Variants in SLC5A4 observed in about 807,000 individuals in gnomAD.
SLC5A4 encodes the protein solute carrier family 5 member 4, also known as probable glucose sensor protein SLC5A4.
In SLC5A4, 55 loss-of-function variants were observed where a neutral mutation model predicts 70.3. The ratio of observed to expected loss-of-function variants is 0.78; its 90% CI spans 0.63 to 0.98. SLC5A4 has a LOEUF of 0.98. Ranked by LOEUF, SLC5A4 falls within the 50% of genes least tolerant of loss-of-function variation. The pLI, the probability that SLC5A4 is intolerant of heterozygous loss-of-function variation, is 0.00. For synonymous variants in SLC5A4, 268 were observed against 305.7 expected, an observed-to-expected ratio of 0.88 and a Z score of 1.29; for missense variants, 735 against 839.2, an observed-to-expected ratio of 0.88 and a Z score of 1.53.
intron 12 of SLC5A4, among the ~76,000 whole-genome samples, chr22:32,225,157 T>C (rs1227322374): frequency 6.6e-6 from 1 of 152,190 alleles, no homozygotes; most frequent in Non-Finnish European, 1.5e-5. Flanking sequence ...AGATTAAGGG[T>C]ACATGATCCA....
chr22:32,261,247 C>A, the SLC5A4 span, among the ~76,000 whole-genome samples: 1 of 152,206 alleles, frequency 6.6e-6, no homozygotes, highest in Admixed American at 6.5e-5. Flanking sequence ...GAGCTGGCTG[C>A]AGTTCAGGTC....
chr22:32,308,176 A>AT, the SLC5A4 span, among the ~76,000 whole-genome samples: 7 of 152,100 alleles, frequency 4.6e-5, no homozygotes, highest in Non-Finnish European at 8.8e-5. Context: ...CGTTATGTTA[A>AT]TTTCAAACAT....
In SLC5A4 at chr22:32,221,041, A is replaced by C. The variant is rs756173984; in HGVS notation, c.1666-19T>G. On this transcript the variant is annotated intron_variant, in intron 13 of 14. Transcript: ENST00000266086. ...GGTACAGCTGAACAGGGACCATACA[A>C]AAGTGCATTAGTAATAGGCAAATGT... 6.6e-7 allele frequency: 1 copy of C among 1,505,396 alleles called. No homozygotes were observed. The highest frequency in any genetic ancestry group is 1.4e-5 in the African/African-American group (1 of 72,452). 93.3% of individuals were successfully genotyped at this position (1,505,396 alleles called of 1,614,324 possible). A position where few individuals can be genotyped will look rare whatever the true frequency, so the allele number is the denominator to read the frequency against.
chr22:32,336,956 T>C, the SLC5A4 span, among the ~76,000 whole-genome samples: 12 of 152,310 alleles, frequency 7.9e-5, no homozygotes, highest in South Asian at 2.1e-4. Flanking sequence ...CTGGGCTGCA[T>C]CCATACAATG....
chr22:32,268,253 C>G, the SLC5A4 span: 1 of 152,038 alleles, frequency 6.6e-6, no homozygotes, highest in Admixed American at 6.6e-5. Flanking sequence ...TCCTTCAACT[C>G]ATGACACTCT....
chr22:32,277,355 T>C, the SLC5A4 span, among the ~76,000 whole-genome samples: 5 of 152,330 alleles, frequency 3.3e-5, no homozygotes, highest in South Asian at 8.3e-4. Context: ...TAGGTTAGAA[T>C]AGAAATTATT....
At chr22:32,350,627 TA>T in the SLC5A4 span, among the ~76,000 whole-genome samples, 1 of 152,172 alleles carries the variant, frequency 6.6e-6, no homozygotes, top group South Asian at 2.1e-4. Context: ...CTATATGCTT[TA>T]AAACACTAAG....
At chr22:32,282,396 A>G in the SLC5A4 span, among the ~76,000 whole-genome samples, 1 of 151,416 alleles carries the variant, frequency 6.6e-6, no homozygotes, top group African/African-American at 2.4e-5. Flanking sequence ...CCTGGCTGCC[A>G]GGACTCTGCT....
chr22:32,236,660 A>T (rs568232146), intron 7 of SLC5A4, among the ~76,000 whole-genome samples: 1 of 152,098 alleles, frequency 6.6e-6, no homozygotes, highest in African/African-American at 2.4e-5. Flanking sequence ...TCTGTCCTTA[A>T]CACAAAGAAA....
At chr22:32,346,392 G>A in the SLC5A4 span, among the ~76,000 whole-genome samples, 21 of 151,948 alleles carry the variant, frequency 1.4e-4, no homozygotes, top group African/African-American at 3.9e-4. Context: ...AGCCCACATC[G>A]CCAAGTCAAT....
the SLC5A4 span, among the ~76,000 whole-genome samples, chr22:32,323,308 C>T: frequency 6.6e-6 from 1 of 152,292 alleles, no homozygotes; most frequent in Admixed American, 6.5e-5. Context: ...CACTTTCCTC[C>T]CCAAAAGCTG....
In SLC5A4 at chr22:32,247,535, CAGGGACTTAACTTACCCTT is replaced by C. The variant is rs1926900322; in HGVS notation, c.373-39_373-21del. 1.3e-6 allele frequency: 2 copies of C among 1,543,286 alleles called. No individual in the cohort carries two copies. Among genetic ancestry groups the C allele is most frequent in the African/African-American group, 1.4e-5 (1 of 73,766 alleles). On this transcript the variant is annotated intron_variant, in intron 4 of 14. Coordinates refer to ENST00000266086, the MANE Select transcript of SLC5A4 (RefSeq NM_014227.3). ...CATCACCTGCAGAGACAGACATTGA[CAGGGACTTAACTTACCCTT>C]AGGGCCCTGTGCGTTCAGATTATTC...
chr22:32,333,623 G>A, the SLC5A4 span, among the ~76,000 whole-genome samples: 5 of 152,016 alleles, frequency 3.3e-5, no homozygotes, highest in Non-Finnish European at 2.9e-5. Context: ...CCTTCAGCCC[G>A]GGCTCTGACC....
Position 32,225,657 on chromosome 22 carries a change from G to A in SLC5A4, c.1447C>T (p.Gln483Ter). Residue 483 changes from glutamine (Q) to a stop codon, truncating the protein, a stop_gained and splice_region_variant, in exon 12 of 15, where the codon CAG (glutamine) becomes TAG (stop). Transcript: ENST00000266086. LOFTEE classifies it high-confidence loss of function. Reference sequence around the variant, plus strand: ...CTTTTTTTCCAGTTTTCACTCACCTGTTCATTGACTCTTTTACAGAAGATG... The same window carrying A: ...CTTTTTTTCCAGTTTTCACTCACCTATTCATTGACTCTTTTACAGAAGATG... ...LAIFCKRVNEQGAFWGLMVGL... is the reference protein window; with the variant it reads ...LAIFCKRVNE The A allele has an allele frequency of 6.2e-7, 1 of 1,605,504 alleles. No individual in the cohort carries two copies. Among genetic ancestry groups the A allele is most frequent in the Non-Finnish European group, 8.5e-7 (1 of 1,176,484 alleles).
chr22:32,280,263 C>T, the SLC5A4 span, among the ~76,000 whole-genome samples: 1 of 152,070 alleles, frequency 6.6e-6, no homozygotes, highest in Non-Finnish European at 1.5e-5. Flanking sequence ...TGATCCACCC[C>T]CCCTCAACCT....
chr22:32,286,135 C>A, the SLC5A4 span, among the ~76,000 whole-genome samples: 24 of 152,072 alleles, frequency 1.6e-4, no homozygotes, highest in African/African-American at 4.8e-4. Flanking sequence ...TAGTGAAAAC[C>A]AAAATAATTA....
the SLC5A4 span, among the ~76,000 whole-genome samples, chr22:32,326,714 AAG>A: frequency 6.6e-6 from 1 of 152,228 alleles, no homozygotes; most frequent in South Asian, 2.1e-4. Context: ...AATACGGAGA[AAG>A]AGACTCTGCT....
chr22:32,333,411 T>C, the SLC5A4 span, among the ~76,000 whole-genome samples: 1 of 152,150 alleles, frequency 6.6e-6, no homozygotes, highest in Non-Finnish European at 1.5e-5. Flanking sequence ...GTGAGGTGAA[T>C]GGGTGTAGGT....
In SLC5A4 at chr22:32,220,985, T is replaced by A; in HGVS notation, c.1703A>T (p.Glu568Val). 6.2e-7 allele frequency: 1 copy of A among 1,614,064 alleles called. No homozygotes were observed. The highest frequency in any genetic ancestry group is 8.5e-7 in the Non-Finnish European group (1 of 1,179,916). Reference protein sequence around the residue: ...RLCWVLRNSTEERIDIDAEEK... With the variant: ...RLCWVLRNSTVERIDIDAEEK... ...TTCTGCATCTATATCGATTCGCTCC[T>A]CTGTACTGTTCCGAAGAACCCAGCA... The change falls in exon 14 of 15, where the codon GAG becomes GTG. Residue 568 changes from glutamate to valine, a missense_variant. Transcript: ENST00000266086.
Sources: allele counts gnomAD v4.1 joint callset (sites outside exome capture counted in the v4.1 genomes callset), GRCh38; gene constraint gnomAD v4.1.1; transcripts MANE v1.5; gene names NCBI Gene and HGNC (gene_info 2026-07-23, HGNC 2026-07-21).